NELL2: variants seen among roughly 807,000 people sequenced by gnomAD.
NELL2 encodes neural EGFL like 2, also known as protein kinase C-binding protein NELL2.
Under a neutral mutation model 109.6 loss-of-function variants are expected in NELL2, and 41 were observed. The ratio of observed to expected loss-of-function variants is 0.37; its 90% CI spans 0.29 to 0.49. The LOEUF (loss-of-function observed/expected upper bound fraction) is 0.49, where lower values mean the gene tolerates loss of function less well. Ranked by LOEUF, NELL2 falls within the 20% of genes least tolerant of loss-of-function variation. The pLI, the probability that NELL2 is intolerant of heterozygous loss-of-function variation, is 0.98. For synonymous variants in NELL2, 355 were observed against 344.7 expected (o/e 1.03, Z -0.33); for missense variants, 900 against 1,008.3 (o/e 0.89, Z 1.45).
rs11182609 is a variant in NELL2, at chr12:44,678,923, C to G, written c.1319-13314G>C. Among the ~76,000 whole-genome samples, 184 of 151,994 alleles carry G rather than the reference C, an allele frequency of 1.2e-3. 3 individuals carry two copies. In the East Asian group the frequency reaches 0.027, roughly 22 times the overall value. ...AAAGTCTGAGATGAAGAAGTGAAGA[C>G]TGTGAGAAAAAATCATTACATTAAG... On this transcript the variant is annotated intron_variant, in intron 12 of 19. Transcript: ENST00000429094.
At chr12:44,512,067 A>G (rs986357286) in intron 19 of NELL2, among the ~76,000 whole-genome samples, 4 of 152,178 alleles carry the variant, frequency 2.6e-5, no homozygotes, top group Non-Finnish European at 4.4e-5. Flanking sequence ...GGAAGAAAAT[A>G]TTTGCAAACT....
intron 15 of NELL2, among the ~76,000 whole-genome samples, chr12:44,557,157 C>T (rs994817327): frequency 2.6e-5 from 4 of 152,156 alleles, no homozygotes; most frequent in African/African-American, 9.6e-5. Context: ...CAGCCTTGAA[C>T]CAGGGCCCCC....
chr12:44,603,677 A>G (rs1945299736), intron 15 of NELL2, among the ~76,000 whole-genome samples: 1 of 152,196 alleles, frequency 6.6e-6, no homozygotes, highest in Non-Finnish European at 1.5e-5. Context: ...AAAGAAGTCC[A>G]TAAAAAATTA....
chr12:44,653,964 C>T (rs1275109653), intron 13 of NELL2, among the ~76,000 whole-genome samples: 2 of 152,134 alleles, frequency 1.3e-5, no homozygotes, highest in African/African-American at 4.8e-5. Context: ...CCTACTCTTC[C>T]TGCTTCTTGA....
At chr12:44,535,200 G>A (rs1942241446) in intron 15 of NELL2, among the ~76,000 whole-genome samples, 1 of 151,844 alleles carries the variant, frequency 6.6e-6, no homozygotes, top group African/African-American at 2.4e-5. Flanking sequence ...CTTTGTAATA[G>A]GATTATAGAA....
chr12:44,522,192 A>C lies in NELL2; in HGVS notation c.1999-16T>G, dbSNP rs370313075. 3.1e-6 allele frequency: 5 copies of C among 1,609,020 alleles called. No homozygotes were observed. In the African/African-American group the frequency reaches 5.4e-5, roughly 17 times the overall value. On this transcript the variant is annotated splice_polypyrimidine_tract_variant and intron_variant, in intron 17 of 19. Coordinates refer to ENST00000429094, the MANE Select transcript of NELL2 (RefSeq NM_001145108.2). Reference sequence around the variant, plus strand: ...CGAATCCATTCTGTATGAAAAAGAAAAAAAGCAGTTACCAAAAACCTCCAT... The same window carrying C: ...CGAATCCATTCTGTATGAAAAAGAACAAAAGCAGTTACCAAAAACCTCCAT...
chr12:44,673,013 C>T (rs1047399127), intron 12 of NELL2, among the ~76,000 whole-genome samples: 1 of 152,164 alleles, frequency 6.6e-6, no homozygotes, highest in African/African-American at 2.4e-5. Context: ...ATATAAGATT[C>T]ATGACCAAGA....
chr12:44,791,115 A>T (rs1263820748), intron 3 of NELL2, among the ~76,000 whole-genome samples: 2 of 11,752 alleles, frequency 1.7e-4, no homozygotes, highest in African/African-American at 6.9e-4. Flanking sequence ...ATATGTATAT[A>T]TATATGTATA....
At chr12:44,913,972 C>A (rs1945806800), upstream of NELL2, 2 of 354,780 alleles carry the variant, frequency 5.6e-6, no homozygotes, top group South Asian at 7.8e-5. Flanking sequence ...TCTCACATCC[C>A]ACATCCAATT....
chr12:44,710,249 T>C (rs893763739), intron 11 of NELL2, among the ~76,000 whole-genome samples: 1 of 152,176 alleles, frequency 6.6e-6, no homozygotes, highest in African/African-American at 2.4e-5. Context: ...GTATGTTTCA[T>C]AATGTTTCTT....
At chr12:44,678,418 T>G (rs1420115376) in intron 12 of NELL2, among the ~76,000 whole-genome samples, 2 of 151,998 alleles carry the variant, frequency 1.3e-5, no homozygotes, top group Non-Finnish European at 2.9e-5. Context: ...TATCAGCATT[T>G]AGCATGGTCG....
chr12:44,667,474 A>G (rs1339306124), intron 12 of NELL2, among the ~76,000 whole-genome samples: 1 of 152,224 alleles, frequency 6.6e-6, no homozygotes, highest in African/African-American at 2.4e-5. Flanking sequence ...ATAAAAGTTC[A>G]TTTACAAAAA....
chr12:44,670,542 A>G (rs1415748658), intron 12 of NELL2, among the ~76,000 whole-genome samples: 1 of 146,812 alleles, frequency 6.8e-6, no homozygotes, highest in Non-Finnish European at 1.5e-5. Context: ...GTATTAAAAA[A>G]CAAGATGCAA....
chr12:44,679,366 T>C lies in NELL2; in HGVS notation c.1319-13757A>G, dbSNP rs181521976. On this transcript the variant is annotated intron_variant, in intron 12 of 19. Transcript: ENST00000429094. ...TGGTGAAGGTTTACAATCATCATTG[T>C]AGGAAATGAGCGAAAACTCTGCTGG... Among the ~76,000 whole-genome samples, 392 of 152,248 alleles carry C rather than the reference T, an allele frequency of 2.6e-3. 4 individuals carry two copies. Among genetic ancestry groups the C allele is most frequent in the African/African-American group, 8.6e-3 (356 of 41,556 alleles).
intron 1 of NELL2, among the ~76,000 whole-genome samples, chr12:44,892,552 C>G (rs1945546001): frequency 1.3e-5 from 2 of 151,822 alleles, no homozygotes; most frequent in African/African-American, 4.8e-5. Flanking sequence ...AATCCCAGCA[C>G]TTTGGGAGGC....
At chr12:44,541,199 C>G (rs11182533) in intron 15 of NELL2, among the ~76,000 whole-genome samples, 2,119 of 131,848 alleles carry the variant, frequency 0.016, 29 homozygotes, top group South Asian at 0.042. Flanking sequence ...TGCAGTGAGC[C>G]GAGATCACGC....
At chr12:44,809,668 A>G (rs1943111631) in intron 3 of NELL2, among the ~76,000 whole-genome samples, 1 of 152,116 alleles carries the variant, frequency 6.6e-6, no homozygotes, top group African/African-American at 2.4e-5. Flanking sequence ...ATGGCACACC[A>G]GGGCACTGCT....
At chr12:44,869,169 A>C (rs747504809) in intron 2 of NELL2, among the ~76,000 whole-genome samples, 2 of 152,164 alleles carry the variant, frequency 1.3e-5, no homozygotes, top group Non-Finnish European at 2.9e-5. Context: ...CACAATGGTA[A>C]GGCAGATAAA....
intron 13 of NELL2, among the ~76,000 whole-genome samples, chr12:44,653,322 T>C (rs184761935): frequency 2.0e-5 from 3 of 152,254 alleles, no homozygotes; most frequent in Admixed American, 6.5e-5. Context: ...CTTAGGCAAA[T>C]TGTTCATCAT....
Sources: allele counts gnomAD v4.1 joint callset (sites outside exome capture counted in the v4.1 genomes callset), GRCh38; gene constraint gnomAD v4.1.1; transcripts MANE v1.5; gene names NCBI Gene and HGNC (gene_info 2026-07-23, HGNC 2026-07-21).